The following CAMTA1 variants were observed in gnomAD, a reference collection of about 807,000 sequenced individuals.
CAMTA1 encodes the protein calmodulin-binding transcription activator 1.
In CAMTA1, 27 loss-of-function variants were observed where a neutral mutation model predicts 170.9. That is an observed-to-expected ratio of 0.16 (90% CI 0.12 to 0.22). The LOEUF (loss-of-function observed/expected upper bound fraction) is 0.22, where lower values mean the gene tolerates loss of function less well. CAMTA1 is among the 10% of genes least tolerant of loss of function. The pLI is 1.00. For missense variants in CAMTA1, 1,619 were observed against 2,217.2 expected, an observed-to-expected ratio of 0.73 and a Z score of 5.42; for synonymous variants, 833 against 891.5, an observed-to-expected ratio of 0.93 and a Z score of 1.17.
chr1:7,012,363 T>A (rs1393122852), intron 3 of CAMTA1, among the ~76,000 whole-genome samples: 1 of 152,166 alleles, frequency 6.6e-6, no homozygotes, highest in Non-Finnish European at 1.5e-5. Flanking sequence ...TTCTTTCTGG[T>A]CCCTGTGAGG....
Position 7,293,165 on chromosome 1 carries a change from G to T in CAMTA1, c.438+43539G>T, listed in dbSNP as rs35315644. On this transcript the variant is annotated intron_variant, in intron 5 of 22. Transcript: ENST00000303635. This position sits in a 1 kb window ranked among gnomAD's most constrained non-coding sequence, Gnocchi z 4.1. ...CAGTGGACAGGGACGGGGTGGGGCTGCCTTCCTGGGAAGGGATTGCGCTGC... is the reference window on the plus strand; with the variant it reads ...CAGTGGACAGGGACGGGGTGGGGCTTCCTTCCTGGGAAGGGATTGCGCTGC... 6.6e-6 allele frequency among the ~76,000 whole-genome samples: 1 copy of T among 152,200 alleles called. No individual in the cohort carries two copies. The highest frequency in any genetic ancestry group is 1.5e-5 in the Non-Finnish European group (1 of 68,036).
At chr1:7,145,522 T>C (rs1646130955) in intron 4 of CAMTA1, among the ~76,000 whole-genome samples, 1 of 152,226 alleles carries the variant, frequency 6.6e-6, no homozygotes. Context: ...GCCACTGGGC[T>C]TGGAAGGAGG....
At chr1:7,465,596 C>T (rs903453257) in intron 5 of CAMTA1, among the ~76,000 whole-genome samples, 6 of 152,176 alleles carry the variant, frequency 3.9e-5, no homozygotes, top group Non-Finnish European at 8.8e-5. Context: ...ATGAGTGAGC[C>T]TTGATGTAGA....
At chr1:6,997,268 T>C (rs904592655) in intron 3 of CAMTA1, among the ~76,000 whole-genome samples, 1 of 152,094 alleles carries the variant, frequency 6.6e-6, no homozygotes, top group African/African-American at 2.4e-5. Flanking sequence ...GCTTTGTGTG[T>C]GTGTGTGTGC....
At position 7,732,657 on chromosome 1, in the gene CAMTA1, G is replaced by C. The variant is rs1164738160; in HGVS notation, c.3066+58G>C. ...TCGCTTCATGTTTATGGATTGGCGA[G>C]GCAGTGGATGGATCACAGGCCTCTT... is the stretch of plus-strand genomic sequence containing the variant. On this transcript the variant is annotated intron_variant, in intron 12 of 22. Coordinates refer to ENST00000303635, the MANE Select transcript of CAMTA1 (RefSeq NM_015215.4). This position sits in a 1 kb window ranked among gnomAD's most constrained non-coding sequence, Gnocchi z 4.1. 6.7e-7 allele frequency: 1 copy of C among 1,500,990 alleles called. No homozygotes were observed. The highest frequency in any genetic ancestry group is 1.4e-5 in the African/African-American group (1 of 72,428). The allele number at this position is 1,500,990 out of a possible 1,614,324, so 93.0% of individuals were successfully genotyped here.
chr1:7,745,140 G>A, intron 17 of CAMTA1, 118 bp downstream of exon 17: 1 of 963,214 alleles, frequency 1.0e-6, no homozygotes, highest in Non-Finnish European at 1.5e-6. Context: ...AAGGAAGGAA[G>A]GAAGCATGAG....
At position 7,680,436 on chromosome 1, in the gene CAMTA1, G is replaced by A. The variant is rs1326656550; in HGVS notation, c.2914+2703G>A. Among the ~76,000 whole-genome samples, 1 of 152,012 alleles carries A rather than the reference G, an allele frequency of 6.6e-6. No homozygotes were observed. Among genetic ancestry groups the A allele is most frequent in the Admixed American group, 6.5e-5 (1 of 15,274 alleles). ...GCAAACTGGGGCACGGCTGCCGGCG[G>A]CGCGCGTGCACACACTCTCTCCCAC... On this transcript the variant is annotated intron_variant, in intron 11 of 22. Transcript: ENST00000303635. The surrounding 1 kb of genome is among the most constrained non-coding windows in gnomAD (Gnocchi z 4.4).
chr1:6,972,026 A>G (rs1048075431), intron 3 of CAMTA1, among the ~76,000 whole-genome samples: 15 of 152,088 alleles, frequency 9.9e-5, no homozygotes, highest in Admixed American at 9.8e-4. Flanking sequence ...GTAATTTGAC[A>G]TTGTTGGAGA....
chr1:7,645,289 C>T (rs1022811553), intron 7 of CAMTA1, among the ~76,000 whole-genome samples: 1 of 152,218 alleles, frequency 6.6e-6, no homozygotes, highest in South Asian at 2.1e-4. Context: ...AAACCTTGCA[C>T]CCTTGGCTCC....
At chr1:7,343,005 G>A (rs763129743) in intron 5 of CAMTA1, among the ~76,000 whole-genome samples, 8 of 152,182 alleles carry the variant, frequency 5.3e-5, no homozygotes, top group Non-Finnish European at 1.2e-4. Flanking sequence ...ATCACACAGC[G>A]CCAGCCCTCT....
intron 3 of CAMTA1, among the ~76,000 whole-genome samples, chr1:6,992,269 G>C (rs1030731842): frequency 6.6e-6 from 1 of 150,998 alleles, no homozygotes; most frequent in Non-Finnish European, 1.5e-5. Context: ...ACGTGGTCTT[G>C]CCATGTTGCC....
At chr1:6,861,447 C>T (rs1210261632) in intron 3 of CAMTA1, among the ~76,000 whole-genome samples, 1 of 152,212 alleles carries the variant, frequency 6.6e-6, no homozygotes, top group African/African-American at 2.4e-5. Context: ...TGACTTCTCA[C>T]ATCTTAGAAC....
At chr1:7,654,926 A>G (rs1288376004) in intron 7 of CAMTA1, among the ~76,000 whole-genome samples, 2 of 147,210 alleles carry the variant, frequency 1.4e-5, no homozygotes, top group Non-Finnish European at 3.0e-5. Flanking sequence ...ACCCATCTAT[A>G]CACACACAAG....
intron 3 of CAMTA1, among the ~76,000 whole-genome samples, chr1:6,879,697 T>C (rs1187382403): frequency 6.6e-6 from 1 of 151,082 alleles, no homozygotes; most frequent in Non-Finnish European, 1.5e-5. Flanking sequence ...GGCATAATCA[T>C]GGCTTGCTGC....
rs2094924913 is a variant in CAMTA1 at position 7,559,259 on chromosome 1, C to T, written c.511-81141C>T. Among the ~76,000 whole-genome samples the T allele has an allele frequency of 3.3e-5, 5 of 152,312 alleles. No homozygotes were observed. The South Asian group carries it at 1.0e-3, about 32-fold the overall frequency. On this transcript the variant is annotated intron_variant, in intron 6 of 22. Transcript: ENST00000303635. The stretch of plus-strand genomic sequence containing the variant: ...GACATGGGCCTTGTGCCTCCTGTCC[C>T]TCCACCCAGAAGCCCCGTCCTTCTC...
At chr1:7,071,877 G>T (rs536856387) in intron 3 of CAMTA1, among the ~76,000 whole-genome samples, 3 of 152,210 alleles carry the variant, frequency 2.0e-5, no homozygotes, top group South Asian at 2.1e-4. Context: ...GAGCAAAGAG[G>T]ACGGAGGTGT....
rs1199629548 is a variant in CAMTA1, at chr1:7,580,005, C to G, written c.511-60395C>G. On this transcript the variant is annotated intron_variant, in intron 6 of 22. Transcript: ENST00000303635. This position sits in a 1 kb window ranked among gnomAD's most constrained non-coding sequence, Gnocchi z 4.3. ...TGGGGGCTCCATAAACTTGGGGCAG[C>G]TCAGCTGAATCCACCCTCTCTCCGG... Among the ~76,000 whole-genome samples the G allele has an allele frequency of 1.3e-5, 2 of 152,270 alleles. No individual in the cohort carries two copies. Among genetic ancestry groups the G allele is most frequent in the Non-Finnish European group, 2.9e-5 (2 of 68,048 alleles).
At chr1:7,446,111 G>C (rs941737432) in intron 5 of CAMTA1, among the ~76,000 whole-genome samples, 2 of 151,494 alleles carry the variant, frequency 1.3e-5, no homozygotes, top group Non-Finnish European at 2.9e-5. Context: ...CCTTGCTGTC[G>C]GCAAGAGTTA....
At chr1:7,677,347 G>A (rs1176187843) in intron 10 of CAMTA1, among the ~76,000 whole-genome samples, 3 of 152,188 alleles carry the variant, frequency 2.0e-5, no homozygotes, top group Admixed American at 2.0e-4. Flanking sequence ...TCACTCGGAG[G>A]ACAAAGCAAA....
Sources: gnomAD v4.1 joint callset for allele counts (sites outside exome capture counted in the v4.1 genomes callset) on GRCh38, gnomAD v4.1.1 for gene constraint, Gnocchi (gnomAD v3.1) non-coding constraint, MANE v1.5 for transcripts, NCBI Gene and HGNC (gene_info 2026-07-23, HGNC 2026-07-21) for gene names.